Variants in PPM1L observed in about 807,000 individuals in gnomAD.
The protein encoded by PPM1L is protein phosphatase 1L.
A neutral mutation model predicts 31.4 loss-of-function variants in PPM1L; 13 were observed. The ratio of observed to expected loss-of-function variants is 0.41; its 90% CI spans 0.27 to 0.66. The LOEUF is 0.66. PPM1L is among the 30% of genes least tolerant of loss of function. The probability of loss-of-function intolerance (pLI) is 0.29; values close to 1 mark genes in which losing one functional copy is unlikely to be tolerated. For missense variants in PPM1L, 326 were observed against 453.7 expected, an observed-to-expected ratio of 0.72 and a Z score of 2.56; for synonymous variants, 184 against 175.4, an observed-to-expected ratio of 1.05 and a Z score of -0.39.
chr3:160,808,826 C>T (rs150908388), intron 1 of PPM1L, among the ~76,000 whole-genome samples: 51 of 152,324 alleles, frequency 3.3e-4, no homozygotes, highest in Non-Finnish European at 3.7e-4. Context: ...CTCTTCCCTC[C>T]TCCCATCTTT....
chr3:161,053,907 G>T (rs1395325606), intron 2 of PPM1L, among the ~76,000 whole-genome samples: 2 of 152,226 alleles, frequency 1.3e-5, no homozygotes, highest in Non-Finnish European at 2.9e-5. Flanking sequence ...TAGTTGATAT[G>T]TTTGCTTATG....
Position 160,903,191 on chromosome 3 carries a change from GT to G in PPM1L, c.400-58544del, listed in dbSNP as rs1713610262. 6.6e-5 allele frequency among the ~76,000 whole-genome samples: 9 copies of G among 137,270 alleles called. No individual in the cohort carries two copies. The South Asian group carries it at 2.1e-3, about 31-fold the overall frequency. 90.1% of individuals were successfully genotyped at this position (137,270 alleles called of 152,430 possible). A position where few individuals can be genotyped will look rare whatever the true frequency, so the allele number is the denominator to read the frequency against. The stretch of plus-strand genomic sequence containing the variant: ...TGTGTGTGTGTGTGTGTGTGTGTGT[GT>G]GGTATGTGTGTATGTTTGTGTGTGT... On this transcript the variant is annotated intron_variant, in intron 1 of 3. Coordinates refer to ENST00000498165, the MANE Select transcript of PPM1L (RefSeq NM_139245.4).
chr3:161,008,880 C>T (rs915826636), intron 2 of PPM1L, among the ~76,000 whole-genome samples: 2 of 152,128 alleles, frequency 1.3e-5, no homozygotes, highest in Admixed American at 6.6e-5. Context: ...GTTTTACGCT[C>T]AGTGGACAGA....
At chr3:161,013,059 C>T (rs1159125879) in intron 2 of PPM1L, among the ~76,000 whole-genome samples, 6 of 152,292 alleles carry the variant, frequency 3.9e-5, no homozygotes, top group Middle Eastern at 3.4e-3. Context: ...TTCTTGCCTT[C>T]TGCTAGCTTT....
In PPM1L at chr3:160,756,792, TAA is replaced by T; in HGVS notation, c.399+87_399+88del. ...GTGTGTGTGTGTGTGTGTGTGTGTA[TAA>T]ACAACAGGACAGCGTGTGCGCAGCG... On this transcript the variant is annotated intron_variant, in intron 1 of 3. Coordinates refer to ENST00000498165, the MANE Select transcript of PPM1L (RefSeq NM_139245.4). This position sits in a 1 kb window ranked among gnomAD's most constrained non-coding sequence, Gnocchi z 6.2. 6.0e-6 allele frequency: 8 copies of T among 1,338,780 alleles called. No homozygotes were observed. The highest frequency in any genetic ancestry group is 2.2e-5 in the Admixed American group (1 of 46,050). The allele number at this position is 1,338,780 out of a possible 1,614,324, so 82.9% of individuals were successfully genotyped here.
intron 1 of PPM1L, among the ~76,000 whole-genome samples, chr3:160,765,809 C>G (rs554566331): frequency 1.3e-5 from 2 of 152,258 alleles, no homozygotes; most frequent in African/African-American, 2.4e-5. Context: ...TCTTTATATT[C>G]AAGCTTCGAC....
At chr3:160,978,143 C>G (rs1487104871) in intron 2 of PPM1L, among the ~76,000 whole-genome samples, 3 of 152,190 alleles carry the variant, frequency 2.0e-5, no homozygotes. Context: ...TGCTTAAGCC[C>G]AGGTACCTTC....
intron 1 of PPM1L, among the ~76,000 whole-genome samples, chr3:160,934,487 C>T (rs1714892449): frequency 6.6e-6 from 1 of 152,020 alleles, no homozygotes; most frequent in South Asian, 2.1e-4. Flanking sequence ...CTTAAAAATA[C>T]AGAAAACTTA....
chr3:160,942,222 T>G (rs991323924), intron 1 of PPM1L, among the ~76,000 whole-genome samples: 1 of 152,208 alleles, frequency 6.6e-6, no homozygotes, highest in African/African-American at 2.4e-5. Context: ...CAGGAAAAAC[T>G]CCTTGGCGAC....
chr3:161,031,518 T>TTTTTTTTTTTTTTTTTTTA (rs1406526488), intron 2 of PPM1L, among the ~76,000 whole-genome samples: 1 of 149,518 alleles, frequency 6.7e-6, no homozygotes, highest in Admixed American at 6.7e-5. Context: ...TTTTTTTTTT[T>TTTTTTTTTTTTTTTTTTTA]GAGAGAGAGT....
chr3:161,046,462 A>G (rs1215162347), intron 2 of PPM1L, among the ~76,000 whole-genome samples: 1 of 152,144 alleles, frequency 6.6e-6, no homozygotes, highest in Non-Finnish European at 1.5e-5. Context: ...CTACCAACCA[A>G]AAAAAGTCCA....
intron 1 of PPM1L, among the ~76,000 whole-genome samples, chr3:160,862,098 G>A (rs1023650862): frequency 6.6e-6 from 1 of 152,144 alleles, no homozygotes; most frequent in Non-Finnish European, 1.5e-5. Context: ...ATATTTGAGG[G>A]GGGGCCATGA....
chr3:160,859,943 G>A (rs937693911), intron 1 of PPM1L, among the ~76,000 whole-genome samples: 1 of 152,304 alleles, frequency 6.6e-6, no homozygotes, highest in East Asian at 1.9e-4. Flanking sequence ...ATCAAGTTCT[G>A]TAAATTTGCC....
chr3:160,870,964 CATCT>C (rs1294717238), intron 1 of PPM1L, among the ~76,000 whole-genome samples: 2 of 152,146 alleles, frequency 1.3e-5, no homozygotes. Context: ...CTATTGAGCA[CATCT>C]CTGTAATTTC....
chr3:160,977,835 A>T (rs1240960988), intron 2 of PPM1L, among the ~76,000 whole-genome samples: 1 of 152,224 alleles, frequency 6.6e-6, no homozygotes, highest in Non-Finnish European at 1.5e-5. Flanking sequence ...AATGACTTAT[A>T]AAGTTCTCAC....
At chr3:161,047,697 C>G (rs944434001) in intron 2 of PPM1L, among the ~76,000 whole-genome samples, 5 of 152,162 alleles carry the variant, frequency 3.3e-5, no homozygotes, top group Non-Finnish European at 5.9e-5. Context: ...TACTACAAGG[C>G]TATAGTAACC....
chr3:160,881,740 C>T (rs1429466003), intron 1 of PPM1L, among the ~76,000 whole-genome samples: 1 of 152,194 alleles, frequency 6.6e-6, no homozygotes, highest in Non-Finnish European at 1.5e-5. Flanking sequence ...AGATGCTCCT[C>T]AGAGTGGTCA....
chr3:161,063,373 A>C (rs892816839), intron 2 of PPM1L, among the ~76,000 whole-genome samples: 2 of 152,212 alleles, frequency 1.3e-5, no homozygotes, highest in African/African-American at 4.8e-5. Context: ...TCCTGTGTTA[A>C]CCAACATTTC....
At position 161,072,393 on chromosome 3, in the gene PPM1L, A is replaced by C. The variant is rs995198371; in HGVS notation, c.*3236A>C. The C allele has an allele frequency of 6.6e-6, 1 of 152,244 alleles. No individual in the cohort carries two copies. The highest frequency in any genetic ancestry group is 1.5e-5 in the Non-Finnish European group (1 of 68,052). 9.4% of individuals were successfully genotyped at this position (152,244 alleles called of 1,614,324 possible). A position where few individuals can be genotyped will look rare whatever the true frequency, so the allele number is the denominator to read the frequency against. Reference sequence around the variant, plus strand: ...TGGCTTCTTGAATCTTGTATATGTCATAAGAATATTATACAGAGAGTGTTA... The same window carrying C: ...TGGCTTCTTGAATCTTGTATATGTCCTAAGAATATTATACAGAGAGTGTTA... On this transcript the variant is annotated 3_prime_UTR_variant, in exon 4 of 4. Coordinates refer to ENST00000498165, the MANE Select transcript of PPM1L (RefSeq NM_139245.4).
Sources: gnomAD v4.1 joint callset for allele counts (sites outside exome capture counted in the v4.1 genomes callset) on GRCh38, gnomAD v4.1.1 for gene constraint, Gnocchi (gnomAD v3.1) non-coding constraint, MANE v1.5 for transcripts, NCBI Gene and HGNC (gene_info 2026-07-23, HGNC 2026-07-21) for gene names.